Variants in MPDZ observed in about 807,000 individuals in gnomAD.
MPDZ encodes the protein multiple PDZ domain crumbs cell polarity complex component, also known as multiple PDZ domain protein.
In MPDZ, 234 loss-of-function variants were observed where a neutral mutation model predicts 239.1. The observed-to-expected ratio is 0.98, with a 90% CI of 0.88 to 1.09. The LOEUF is 1.09. Among genes scored for constraint, MPDZ ranks in the 50% least tolerant of loss-of-function variants. The pLI is 0.00. For synonymous variants in MPDZ, 1,048 were observed against 881.3 expected (o/e 1.19, Z -3.35); for missense variants, 3,175 against 2,510.0 (o/e 1.26, Z -5.66).
chr9:13,106,811 AT>A lies in MPDZ; in HGVS notation c.*153del. On this transcript the variant is annotated 3_prime_UTR_variant, in exon 47 of 47. Coordinates refer to ENST00000319217, the MANE Select transcript of MPDZ (RefSeq NM_001378778.1). ...ATGTTAGGTTGTCAGTAAGGAAAGC[AT>A]TTCTAGATGAGAAAAAGAAACTTAA... The A allele has an allele frequency of 1.3e-6, 1 of 763,066 alleles. No individual in the cohort carries two copies. Among genetic ancestry groups the A allele is most frequent in the Admixed American group, 2.7e-5 (1 of 36,750 alleles). The allele number at this position is 763,066 out of a possible 1,614,324, so 47.3% of individuals were successfully genotyped here.
Position 13,176,183 on chromosome 9 carries a change from T to A in MPDZ, c.2884A>T (p.Ile962Leu). ...WTESHLPSEV[I>L]SSAELPSVLP... ...ACAGAAGGAAGTTCTGCACTTGATA[T>A]AACTTCACTTGGTAAATGAGATTCA... Residue 962 changes from isoleucine (I) to leucine (L), a missense_variant, in exon 20 of 47, where the codon ATA (isoleucine) becomes TTA (leucine). Ile to Leu is a conservative substitution (Grantham distance 5). Coordinates refer to ENST00000319217, the MANE Select transcript of MPDZ (RefSeq NM_001378778.1). 6.2e-7 allele frequency: 1 copy of A among 1,603,790 alleles called. No homozygotes were observed. Among genetic ancestry groups the A allele is most frequent in the Non-Finnish European group, 8.5e-7 (1 of 1,174,386 alleles).
chr9:13,162,560 T>A (rs759747705), intron 23 of MPDZ, 131 bp downstream of exon 23: 15 of 425,306 alleles, frequency 3.5e-5, no homozygotes, highest in Non-Finnish European at 6.2e-5. Context: ...AAGGGAAGAA[T>A]ATTTTTTAAA....
intron 25 of MPDZ, among the ~76,000 whole-genome samples, chr9:13,149,352 C>T (rs1948852023): frequency 6.6e-6 from 1 of 151,978 alleles, no homozygotes; most frequent in South Asian, 2.1e-4. Context: ...ACAAAGTCTT[C>T]CAGTGTGTAA....
chr9:13,275,609 G>C (rs1195440351), intron 1 of MPDZ, among the ~76,000 whole-genome samples: 1 of 152,150 alleles, frequency 6.6e-6, no homozygotes, highest in African/African-American at 2.4e-5. Flanking sequence ...CTGGGTAATA[G>C]GTAATGGCTA....
intron 10 of MPDZ, among the ~76,000 whole-genome samples, chr9:13,210,418 G>A (rs1281271002): frequency 1.8e-5 from 2 of 113,030 alleles, no homozygotes; most frequent in South Asian, 6.0e-4. Context: ...AAACTTAAGA[G>A]GAAGTTTTTT....
chr9:13,264,871 C>T (rs933768650), intron 1 of MPDZ, among the ~76,000 whole-genome samples: 1 of 152,170 alleles, frequency 6.6e-6, no homozygotes, highest in African/African-American at 2.4e-5. Context: ...TTGGCCTCTT[C>T]TGTTCTCTCA....
rs570264771 is a variant in MPDZ, at chr9:13,191,567, T to C, written c.1968+564A>G. Among the ~76,000 whole-genome samples, 4 of 152,286 alleles carry C rather than the reference T, an allele frequency of 2.6e-5. No individual in the cohort carries two copies. In the East Asian group the frequency reaches 7.7e-4, roughly 29 times the overall value. On this transcript the variant is annotated intron_variant, in intron 15 of 46. Coordinates refer to ENST00000319217, the MANE Select transcript of MPDZ (RefSeq NM_001378778.1). The stretch of plus-strand genomic sequence containing the variant: ...CATGTATCATTATGGGCCAAATTTA[T>C]TGTATTTTAAAAGGATAGTATGTAA...
At chr9:13,118,636 A>G (rs1159728579) in intron 39 of MPDZ, among the ~76,000 whole-genome samples, 1 of 152,226 alleles carries the variant, frequency 6.6e-6, no homozygotes, top group African/African-American at 2.4e-5. Context: ...AAAAAACAAA[A>G]CAAGGAGATA....
intron 13 of MPDZ, among the ~76,000 whole-genome samples, chr9:13,194,930 TG>T: frequency 6.6e-6 from 1 of 152,010 alleles, no homozygotes. Context: ...CAATTTAAAA[TG>T]GTAGTAACAG....
chr9:13,165,447 T>C (rs1251875956), intron 22 of MPDZ: 5 of 1,547,548 alleles, frequency 3.2e-6, no homozygotes, highest in African/African-American at 1.4e-5. Context: ...CTTTTTACAA[T>C]GGTGTTAACA....
chr9:13,236,141 T>C (rs929592086), intron 3 of MPDZ, among the ~76,000 whole-genome samples: 6 of 148,824 alleles, frequency 4.0e-5, no homozygotes, highest in Admixed American at 1.4e-4. Flanking sequence ...TTAAAATCAA[T>C]CCACAAGGCA....
In MPDZ at chr9:13,183,342, T is replaced by G. The variant is rs994452634; in HGVS notation, c.2649+76A>C. On this transcript the variant is annotated intron_variant, in intron 19 of 46. Transcript: ENST00000319217. The stretch of plus-strand genomic sequence containing the variant: ...GTCTCCAATATGTTATTCCCACAAC[T>G]CCCCATAAGGACTGAGCTCTGGAAA... 4.3e-6 allele frequency: 5 copies of G among 1,168,358 alleles called. No homozygotes were observed. The African/African-American group carries it at 7.8e-5, about 18-fold the overall frequency. 72.4% of individuals were successfully genotyped at this position (1,168,358 alleles called of 1,614,324 possible).
chr9:13,257,184 A>G (rs10960985), intron 1 of MPDZ, among the ~76,000 whole-genome samples: 63,756 of 152,050 alleles, frequency 0.42, 16,268 homozygotes, highest in Middle Eastern at 0.6. Flanking sequence ...CATAAGACAT[A>G]CCAATAACAG....
At chr9:13,121,674 T>G (rs1944369693) in intron 38 of MPDZ, 65 bp downstream of exon 38, 2 of 1,546,174 alleles carry the variant, frequency 1.3e-6, no homozygotes, top group Non-Finnish European at 1.8e-6. Flanking sequence ...CTGCTATTAC[T>G]CTTTAAAATG....
intron 1 of MPDZ, among the ~76,000 whole-genome samples, chr9:13,269,186 A>G (rs1972445800): frequency 6.6e-6 from 1 of 152,216 alleles, no homozygotes; most frequent in Non-Finnish European, 1.5e-5. Context: ...CAACTCTCCC[A>G]GTGATTTTAA....
At chr9:13,220,077 A>G (rs747834203) in intron 7 of MPDZ, among the ~76,000 whole-genome samples, 1 of 151,928 alleles carries the variant, frequency 6.6e-6, no homozygotes, top group Non-Finnish European at 1.5e-5. Context: ...CTTTTTGTGA[A>G]TTTTTTGGAG....
chr9:13,126,467 T>G, intron 34 of MPDZ, 49 bp downstream of exon 34: 5 of 1,282,838 alleles, frequency 3.9e-6, no homozygotes, highest in Non-Finnish European at 4.4e-6. Flanking sequence ...ACTTTAATCA[T>G]GCCCAAGGAT....
intron 45 of MPDZ, 39 bp downstream of exon 45, chr9:13,109,913 A>G: frequency 6.6e-7 from 1 of 1,511,272 alleles, no homozygotes; most frequent in Non-Finnish European, 9.1e-7. Flanking sequence ...TTGATTCATA[A>G]GTGAAAAATG....
intron 11 of MPDZ, 84 bp downstream of exon 11, chr9:13,205,832 T>C: frequency 8.1e-7 from 1 of 1,241,418 alleles, no homozygotes; most frequent in Non-Finnish European, 1.1e-6. Context: ...AGAACCATTC[T>C]GAAATAGTAA....
Sources: allele counts gnomAD v4.1 joint callset (sites outside exome capture counted in the v4.1 genomes callset), GRCh38; gene constraint gnomAD v4.1.1; transcripts MANE v1.5; gene names NCBI Gene and HGNC (gene_info 2026-07-23, HGNC 2026-07-21).